Variants in RBM5 observed in about 807,000 individuals in gnomAD.
RBM5 encodes the protein RNA binding motif protein 5.
A neutral mutation model predicts 124.6 loss-of-function variants in RBM5; 15 were observed. The ratio of observed to expected loss-of-function variants is 0.12; its 90% CI spans 0.08 to 0.19. The LOEUF (loss-of-function observed/expected upper bound fraction) is 0.19, where lower values mean the gene tolerates loss of function less well. RBM5 is among the 10% of genes least tolerant of loss of function. The probability of loss-of-function intolerance (pLI) is 1.00; values close to 1 mark genes in which losing one functional copy is unlikely to be tolerated. For synonymous variants in RBM5, 337 were observed against 361.2 expected, an observed-to-expected ratio of 0.93 and a Z score of 0.76; for missense variants, 580 against 1,026.5, an observed-to-expected ratio of 0.57 and a Z score of 5.94.
chr3:50,117,261 A>C lies in RBM5; in HGVS notation c.2204A>C (p.Gln735Pro). ...TTTGCCACTGGCAGGAATTACGAGC[A>C]ACCCACCAAAGATGGCATTGACCAC... Reference protein sequence around the residue: ...QFDAGTVNYEQPTKDGIDHSN... With the variant: ...QFDAGTVNYEPPTKDGIDHSN... Residue 735 changes from glutamine to proline, a missense_variant, in exon 24 of 25, where the codon CAA (glutamine) becomes CCA (proline). Around this residue, in one of 6 missense-constraint regions of RBM5, gnomAD observed 234 missense variants for 435.1 expected, o/e 0.54. Coordinates refer to ENST00000347869, the MANE Select transcript of RBM5 (RefSeq NM_005778.4). The surrounding 1 kb of genome is among the most constrained non-coding windows in gnomAD (Gnocchi z 4.2). 6.2e-7 allele frequency: 1 copy of C among 1,614,242 alleles called. No individual in the cohort carries two copies. The highest frequency in any genetic ancestry group is 8.5e-7 in the Non-Finnish European group (1 of 1,180,030).
chr3:50,090,730 A>T (rs2108982327), intron 2 of RBM5, among the ~76,000 whole-genome samples: 1 of 152,280 alleles, frequency 6.6e-6, no homozygotes, highest in Non-Finnish European at 1.5e-5. Flanking sequence ...TATTCTCTGG[A>T]AGGAAGCTGA....
rs1450756734 is a variant in RBM5 at position 50,093,704 on chromosome 3, G to T, written c.184-16G>T. The T allele has an allele frequency of 4.4e-6, 7 of 1,608,720 alleles. No homozygotes were observed. In the African/African-American group the frequency reaches 8.0e-5, roughly 18 times the overall value. On this transcript the variant is annotated splice_polypyrimidine_tract_variant and intron_variant, in intron 3 of 24. Coordinates refer to ENST00000347869, the MANE Select transcript of RBM5 (RefSeq NM_005778.4). ...ACAGGGTGATGTTAATTGTGATTTT[G>T]TTTATTGTAACTCAGAGAGAGCGTG...
At chr3:50,104,133 G>A in intron 7 of RBM5, 115 bp from the exon 8 acceptor site, 2 of 817,030 alleles carry the variant, frequency 2.4e-6, no homozygotes, top group Non-Finnish European at 4.1e-6. Flanking sequence ...TCAGCTACGT[G>A]AGACTTTCTG....
chr3:50,115,826 C>T (rs774108189), intron 21 of RBM5, 80 bp from the exon 22 acceptor site: 14 of 1,366,580 alleles, frequency 1.0e-5, no homozygotes, highest in Admixed American at 8.5e-5. Flanking sequence ...TCTTAAAGTA[C>T]AGTAGATGTT....
chr3:50,110,577 C>T, intron 16 of RBM5, 102 bp from the exon 17 acceptor site: 1 of 1,433,314 alleles, frequency 7.0e-7, no homozygotes, highest in East Asian at 2.3e-5. Context: ...GGATGTGAGA[C>T]AGAGAAGAAA....
Position 50,090,371 on chromosome 3 carries a change from T to C in RBM5, c.-53-11T>C. 2 of 1,585,974 alleles carry C rather than the reference T, an allele frequency of 1.3e-6. No individual in the cohort carries two copies. Among genetic ancestry groups the C allele is most frequent in the Admixed American group, 3.4e-5 (2 of 59,502 alleles). The stretch of plus-strand genomic sequence containing the variant: ...TGAGATTTATAGCAATTAATCTCTC[T>C]TGTCTCCTAGAAAAAATAAAATTTG... On this transcript the variant is annotated splice_polypyrimidine_tract_variant and intron_variant, in intron 1 of 24. Transcript: ENST00000347869.
chr3:50,090,479 T>A, intron 2 of RBM5, 28 bp downstream of exon 2: 1 of 1,612,534 alleles, frequency 6.2e-7, no homozygotes, highest in Non-Finnish European at 8.5e-7. Context: ...GTGGCTTTGA[T>A]CTCAACATTT....
chr3:50,110,469 C>T lies in RBM5; in HGVS notation c.1363+6C>T. ...AGTTCCTGGTACCAAATATGGTAAG[C>T]CAAACCTCATGGGGCTGTTGACAGT... On this transcript the variant is annotated splice_donor_region_variant and intron_variant, in intron 16 of 24. Transcript: ENST00000347869. The T allele has an allele frequency of 1.2e-6, 2 of 1,611,132 alleles. No individual in the cohort carries two copies. The highest frequency in any genetic ancestry group is 1.7e-6 in the Non-Finnish European group (2 of 1,177,314).
chr3:50,091,870 G>A, intron 2 of RBM5, 173 bp from the exon 3 acceptor site: 1 of 693,104 alleles, frequency 1.4e-6, no homozygotes, highest in Non-Finnish European at 2.6e-6. Context: ...TAGGGATGTA[G>A]GTATTTTCCC....
intron 4 of RBM5, among the ~76,000 whole-genome samples, chr3:50,096,700 C>G (rs1321334107): frequency 2.0e-5 from 3 of 151,876 alleles, no homozygotes; most frequent in African/African-American, 7.3e-5. Context: ...AGGCAATCCA[C>G]CAGCCTCAGC....
intron 22 of RBM5, chr3:50,116,580 T>G (rs982497455): frequency 5.6e-6 from 1 of 178,788 alleles, no homozygotes; most frequent in African/African-American, 2.4e-5. Context: ...TCTGAAGTGT[T>G]TGTAGTTAAG....
intron 22 of RBM5, chr3:50,116,841 G>A: frequency 1.9e-6 from 1 of 515,450 alleles, no homozygotes; most frequent in Non-Finnish European, 3.5e-6. Flanking sequence ...AAAACTGCTT[G>A]TTGGAGACAT....
chr3:50,106,915 A>T, intron 11 of RBM5, 51 bp downstream of exon 11: 1 of 1,401,442 alleles, frequency 7.1e-7, no homozygotes. Flanking sequence ...GCACATTTGT[A>T]CAGTGTGCTA....
At chr3:50,116,914 TATG>T (rs575407907) in intron 22 of RBM5, 157 bp from the exon 23 acceptor site, 12 of 639,670 alleles carry the variant, frequency 1.9e-5, no homozygotes, top group African/African-American at 3.7e-5. Context: ...TATGACTAGG[TATG>T]ATGATGGGAA....
chr3:50,114,143 A>T, intron 19 of RBM5, 37 bp from the exon 20 acceptor site: 1 of 1,614,156 alleles, frequency 6.2e-7, no homozygotes, highest in South Asian at 1.1e-5. Context: ...GAACTTACCT[A>T]AAACTTGAGT....
chr3:50,108,712 GAAAAA>G (rs111847188), intron 14 of RBM5, among the ~76,000 whole-genome samples: 1 of 147,074 alleles, frequency 6.8e-6, no homozygotes, highest in Non-Finnish European at 1.5e-5. Context: ...GTCTCAGAAA[GAAAAA>G]AAAAAGAATG....
chr3:50,115,987 G>T lies in RBM5; in HGVS notation c.2094+7G>T. ...GGAGCTAAGGGAGAGAGAGGTGAAT[G>T]GGAAACTGTGCCACAAGGAAGAGGA... On this transcript the variant is annotated splice_region_variant and intron_variant, in intron 22 of 24. Transcript: ENST00000347869. The T allele has an allele frequency of 1.9e-6, 3 of 1,608,226 alleles. No individual in the cohort carries two copies. The highest frequency in any genetic ancestry group is 2.7e-5 in the African/African-American group (2 of 74,874).
Position 50,114,011 on chromosome 3 carries a change from A to G in RBM5, c.1679A>G (p.Asn560Ser), listed in dbSNP as rs2091194420. The G allele has an allele frequency of 9.3e-6, 15 of 1,614,126 alleles. No homozygotes were observed. Among genetic ancestry groups the G allele is most frequent in the Non-Finnish European group, 1.3e-5 (15 of 1,180,046 alleles). ...SLNKQKENFK[N>S]SFQPVNSLRE... ...AATAAGCAGAAAGAAAACTTTAAAAATAGCTTTCAGCCTGTCAATTCCTTG... is the reference window on the plus strand; with the variant it reads ...AATAAGCAGAAAGAAAACTTTAAAAGTAGCTTTCAGCCTGTCAATTCCTTG... Residue 560 changes from asparagine to serine, a missense_variant, in exon 19 of 25, where the codon AAT (asparagine) becomes AGT (serine). Coordinates refer to ENST00000347869, the MANE Select transcript of RBM5 (RefSeq NM_005778.4).
At chr3:50,102,956 G>A in intron 6 of RBM5, 127 bp from the exon 7 acceptor site, 2 of 723,968 alleles carry the variant, frequency 2.8e-6, no homozygotes, top group Non-Finnish European at 4.9e-6. Context: ...AGGTGGCGGT[G>A]GTTGGTCCTC....
Sources: allele counts gnomAD v4.1 joint callset (sites outside exome capture counted in the v4.1 genomes callset), GRCh38; gene constraint gnomAD v4.1.1; regional missense constraint gnomAD v4.1.1; non-coding constraint Gnocchi (gnomAD v3.1); transcripts MANE v1.5; gene names NCBI Gene and HGNC (gene_info 2026-07-23, HGNC 2026-07-21).